The following TMEM44 variants were observed in gnomAD, a reference collection of about 807,000 sequenced individuals.
The protein encoded by TMEM44 is transmembrane protein 44.
In TMEM44, 43 loss-of-function variants were observed where a neutral mutation model predicts 47.8. The ratio of observed to expected loss-of-function variants is 0.90; its 90% CI spans 0.70 to 1.16. The LOEUF (loss-of-function observed/expected upper bound fraction) is 1.16. TMEM44 is among the 50% of genes most tolerant of loss of function. The pLI is 0.00. For missense variants in TMEM44, 568 were observed against 555.2 expected, an observed-to-expected ratio of 1.02 and a Z score of -0.23; for synonymous variants, 277 against 238.8, an observed-to-expected ratio of 1.16 and a Z score of -1.48.
chr3:194,633,056 C>CGCCCGACAGCG, intron 1 of TMEM44, 23 bp downstream of exon 1: 1 of 1,546,394 alleles, frequency 6.5e-7, no homozygotes, highest in Non-Finnish European at 8.7e-7. Context: ...GCCCGACAGC[C>CGCCCGACAGCG]CCCCGACCCG....
intron 9 of TMEM44, chr3:194,597,325 AG>A (rs2109156052): frequency 6.6e-6 from 1 of 152,318 alleles, no homozygotes; most frequent in East Asian, 1.9e-4. Context: ...CTTGAATCCC[AG>A]GGGCTAAAGA....
intron 6 of TMEM44, chr3:194,616,844 A>G (rs2410906): frequency 3.8e-6 from 2 of 525,770 alleles, no homozygotes; most frequent in East Asian, 7.1e-5. Flanking sequence ...GCAGTGAGCC[A>G]AGATCACGCC....
intron 5 of TMEM44, among the ~76,000 whole-genome samples, chr3:194,619,143 G>C (rs573345214): frequency 5.3e-4 from 81 of 152,254 alleles, no homozygotes; most frequent in Non-Finnish European, 1.1e-3. Flanking sequence ...TGCTCTTGCT[G>C]CTGCTCAGGA....
At chr3:194,608,737 C>T (rs1024652112) in intron 8 of TMEM44, among the ~76,000 whole-genome samples, 2 of 152,148 alleles carry the variant, frequency 1.3e-5, no homozygotes, top group African/African-American at 4.8e-5. Flanking sequence ...GAGATGGGGT[C>T]TCGCTATGTG....
chr3:194,599,540 C>T (rs1437957132), intron 9 of TMEM44, among the ~76,000 whole-genome samples: 1 of 151,622 alleles, frequency 6.6e-6, no homozygotes, highest in Non-Finnish European at 1.5e-5. Flanking sequence ...TTCTTCTTCA[C>T]ATTTTTTACA....
At position 194,632,900 on chromosome 3, in the gene TMEM44, G is replaced by A. The variant is rs868341461; in HGVS notation, c.137+179C>T. On this transcript the variant is annotated intron_variant, in intron 1 of 9. Coordinates refer to ENST00000347147, the MANE Select transcript of TMEM44 (RefSeq NM_001011655.3). ...GGCTCACAGCCCAGCTTCCCTGTGC[G>A]TGGGATCCGGAAAGAAGATCCCACT... The A allele has an allele frequency of 4.0e-4, 422 of 1,061,026 alleles. 2 individuals carry two copies. The Middle Eastern group carries it at 8.0e-3, about 20-fold the overall frequency. The allele number at this position is 1,061,026 out of a possible 1,614,324, so 65.7% of individuals were successfully genotyped here. A position where few individuals can be genotyped will look rare whatever the true frequency, so the allele number is the denominator to read the frequency against.
At position 194,618,370 on chromosome 3, in the gene TMEM44, C is replaced by T. The variant is rs140140452; in HGVS notation, c.613-1101G>A. 3.8e-3 allele frequency among the ~76,000 whole-genome samples: 573 copies of T among 151,442 alleles called. 7 individuals are homozygous for T. The highest frequency in any genetic ancestry group is 0.013 in the African/African-American group (547 of 41,382). On this transcript the variant is annotated intron_variant, in intron 5 of 9. Transcript: ENST00000347147. Reference sequence around the variant, plus strand: ...CTATATATATGAATATGTATATACACAAACACCATATATTTCTGATTACAT... The same window carrying T: ...CTATATATATGAATATGTATATACATAAACACCATATATTTCTGATTACAT...
rs771697275 is a variant in TMEM44, at chr3:194,604,269, C to G, written c.1176+18G>C. 4 of 1,571,718 alleles carry G rather than the reference C, an allele frequency of 2.5e-6. No individual in the cohort carries two copies. The highest frequency in any genetic ancestry group is 3.5e-6 in the Non-Finnish European group (4 of 1,159,374). On this transcript the variant is annotated intron_variant, in intron 9 of 9. Coordinates refer to ENST00000347147, the MANE Select transcript of TMEM44 (RefSeq NM_001011655.3). Reference sequence around the variant, plus strand: ...CGATGGCACCCACGCACCCGCCCAGCAGGCAACAGCCGTGTACCTCCAGGT... The same window carrying G: ...CGATGGCACCCACGCACCCGCCCAGGAGGCAACAGCCGTGTACCTCCAGGT...
intron 8 of TMEM44, among the ~76,000 whole-genome samples, chr3:194,607,948 T>C (rs1320695515): frequency 6.6e-6 from 1 of 152,162 alleles, no homozygotes; most frequent in Non-Finnish European, 1.5e-5. Context: ...TGGGAGGGAA[T>C]GAAGGTGGAA....
At position 194,629,079 on chromosome 3, in the gene TMEM44, G is replaced by A. The variant is rs1717488686; in HGVS notation, c.138-570C>T. On this transcript the variant is annotated intron_variant, in intron 1 of 9. Transcript: ENST00000347147. The stretch of plus-strand genomic sequence containing the variant: ...CTCCGGAGGCTGAGGCAAGAGAATT[G>A]CTTGAACCCAGGAGGCAGAGGTTGC... Among the ~76,000 whole-genome samples the A allele has an allele frequency of 2.0e-5, 3 of 151,740 alleles. No homozygotes were observed. The South Asian group carries it at 6.2e-4, about 31-fold the overall frequency.
chr3:194,626,816 T>C (rs1489745640), intron 2 of TMEM44, among the ~76,000 whole-genome samples: 1 of 151,734 alleles, frequency 6.6e-6, no homozygotes, highest in Non-Finnish European at 1.5e-5. Flanking sequence ...CCCGAGCAGC[T>C]GGGACTTCAG....
intron 2 of TMEM44, among the ~76,000 whole-genome samples, chr3:194,627,432 G>A (rs1717295284): frequency 1.4e-5 from 1 of 72,118 alleles, no homozygotes; most frequent in African/African-American, 4.5e-5. Flanking sequence ...TGGGATAGGA[G>A]CCTTCCACAC....
intron 5 of TMEM44, among the ~76,000 whole-genome samples, chr3:194,618,712 C>A (rs1224087055): frequency 6.6e-6 from 1 of 151,834 alleles, no homozygotes; most frequent in Non-Finnish European, 1.5e-5. Flanking sequence ...TAGGCCTTGG[C>A]TAGGGAATGG....
At chr3:194,627,099 G>A (rs1372590776) in intron 2 of TMEM44, among the ~76,000 whole-genome samples, 1 of 152,086 alleles carries the variant, frequency 6.6e-6, no homozygotes, top group Non-Finnish European at 1.5e-5. Flanking sequence ...TTTTCTCCAT[G>A]TTGGCCAGGC....
chr3:194,625,479 C>T (rs998310947), intron 3 of TMEM44, among the ~76,000 whole-genome samples: 3 of 150,918 alleles, frequency 2.0e-5, no homozygotes, highest in Non-Finnish European at 4.4e-5. Flanking sequence ...GACGGAGTCT[C>T]GCTCTGTCAC....
chr3:194,618,193 G>A (rs1287552642), intron 5 of TMEM44, among the ~76,000 whole-genome samples: 3 of 152,176 alleles, frequency 2.0e-5, no homozygotes, highest in Non-Finnish European at 1.5e-5. Context: ...CAGGTCACAT[G>A]GGGAAGATCC....
rs1357125332 is a variant in TMEM44 at position 194,588,231 on chromosome 3, G to A, written c.*298C>T. ...ATGGCTGACTCTCAAGGGAATGAAG[G>A]GAAAAGGAAGAGCGGGTCTGAGATC... is the stretch of plus-strand genomic sequence containing the variant. On this transcript the variant is annotated 3_prime_UTR_variant, in exon 10 of 10. Transcript: ENST00000347147. The A allele has an allele frequency of 5.8e-6, 2 of 342,684 alleles. No individual in the cohort carries two copies. The highest frequency in any genetic ancestry group is 4.2e-5 in the South Asian group (1 of 23,820). The allele number at this position is 342,684 out of a possible 1,614,324, so 21.2% of individuals were successfully genotyped here.
intron 5 of TMEM44, among the ~76,000 whole-genome samples, chr3:194,617,976 A>C (rs1018186521): frequency 6.6e-6 from 1 of 152,164 alleles, no homozygotes. Flanking sequence ...CATGAGTAAA[A>C]GGTCCCTGAG....
chr3:194,628,148 C>T (rs553613286), intron 2 of TMEM44, among the ~76,000 whole-genome samples: 5 of 152,142 alleles, frequency 3.3e-5, no homozygotes, highest in African/African-American at 1.2e-4. Flanking sequence ...TGCTCCTGGC[C>T]GTGAGAAGTG....
Sources: allele counts gnomAD v4.1 joint callset (sites outside exome capture counted in the v4.1 genomes callset), GRCh38; gene constraint gnomAD v4.1.1; transcripts MANE v1.5; gene names NCBI Gene and HGNC (gene_info 2026-07-23, HGNC 2026-07-21).